The following UBE2L3 variants were observed in gnomAD, a reference collection of about 807,000 sequenced individuals.
The protein encoded by UBE2L3 is ubiquitin conjugating enzyme E2 L3.
Under a neutral mutation model 17.8 loss-of-function variants are expected in UBE2L3, and 1 was observed. The ratio of observed to expected loss-of-function variants is 0.06; its 90% CI spans 0.02 to 0.27. The LOEUF is 0.27. Ranked by LOEUF, UBE2L3 falls within the 10% of genes least tolerant of loss-of-function variation. The pLI is 1.00. For missense variants in UBE2L3, 40 were observed against 192.6 expected, an observed-to-expected ratio of 0.21 and a Z score of 4.69; for synonymous variants, 44 against 68.5, an observed-to-expected ratio of 0.64 and a Z score of 1.76.
chr22:21,563,563 A>C (rs1035029612), upstream of UBE2L3, among the ~76,000 whole-genome samples: 6 of 147,752 alleles, frequency 4.1e-5, no homozygotes, highest in African/African-American at 1.2e-4. Context: ...TCCGTCTCAA[A>C]AAAAAAAAAT....
Position 21,623,364 on chromosome 22 carries a change from C to T in UBE2L3, c.*1695C>T, listed in dbSNP as rs1308444804. On this transcript the variant is annotated 3_prime_UTR_variant, in exon 4 of 4. Transcript: ENST00000342192. Reference sequence around the variant, plus strand: ...AGGTTTCTGGAGACTCCCTTGTGCCCGGGATGGCAAGGGCACCGGGCTGGC... The same window carrying T: ...AGGTTTCTGGAGACTCCCTTGTGCCTGGGATGGCAAGGGCACCGGGCTGGC... The T allele has an allele frequency of 2.0e-5, 3 of 152,690 alleles. No homozygotes were observed. Among genetic ancestry groups the T allele is most frequent in the South Asian group, 2.1e-4 (1 of 4,832 alleles). 9.5% of individuals were successfully genotyped at this position (152,690 alleles called of 1,614,324 possible).
At chr22:21,595,430 C>T (rs768991687) in intron 2 of UBE2L3, among the ~76,000 whole-genome samples, 5 of 152,206 alleles carry the variant, frequency 3.3e-5, no homozygotes, top group Non-Finnish European at 7.3e-5. Flanking sequence ...TATACAAACT[C>T]ACCTGAGGTC....
chr22:21,613,790 G>A (rs890520271), intron 3 of UBE2L3, among the ~76,000 whole-genome samples: 2 of 152,204 alleles, frequency 1.3e-5, no homozygotes, highest in Admixed American at 6.5e-5. Flanking sequence ...AGAGCTGGTA[G>A]GCATAGTGCA....
At chr22:21,589,937 T>A (rs1055218446) in intron 1 of UBE2L3, among the ~76,000 whole-genome samples, 3 of 152,172 alleles carry the variant, frequency 2.0e-5, no homozygotes, top group African/African-American at 7.2e-5. Context: ...TTCTTCTTTC[T>A]GGCCAGGTGT....
chr22:21,599,628 T>C (rs1319652192), intron 2 of UBE2L3, among the ~76,000 whole-genome samples: 1 of 152,098 alleles, frequency 6.6e-6, no homozygotes, highest in Non-Finnish European at 1.5e-5. Flanking sequence ...GAGCAGAAAC[T>C]ATGAAAAAAT....
chr22:21,601,673 C>G (rs746759898), intron 2 of UBE2L3, among the ~76,000 whole-genome samples: 1 of 151,800 alleles, frequency 6.6e-6, no homozygotes, highest in Non-Finnish European at 1.5e-5. Context: ...GCATAGAAAC[C>G]AGCCTGGGGC....
intron 1 of UBE2L3, among the ~76,000 whole-genome samples, chr22:21,577,021 T>A (rs948430376): frequency 2.0e-5 from 3 of 146,914 alleles, no homozygotes; most frequent in Non-Finnish European, 4.5e-5. Flanking sequence ...CAGGCTGGAG[T>A]GCAGTGGTAC....
rs549264242 is a variant in UBE2L3 at position 21,614,855 on chromosome 22, T to G, written c.310+3812T>G. ...GCCCAAATGTCCATCAATTGGTGAG[T>G]GAATAAACAAAATGTGAGCCAGGCG... On this transcript the variant is annotated intron_variant, in intron 3 of 3. Transcript: ENST00000342192. 2.0e-5 allele frequency among the ~76,000 whole-genome samples: 3 copies of G among 151,930 alleles called. No homozygotes were observed. The East Asian group carries it at 5.8e-4, about 29-fold the overall frequency.
chr22:21,584,727 G>A (rs1484303116), intron 1 of UBE2L3, among the ~76,000 whole-genome samples: 3 of 150,988 alleles, frequency 2.0e-5, no homozygotes, highest in South Asian at 2.1e-4. Context: ...TTGGGAGGCC[G>A]AGGCGGGTGG....
chr22:21,556,629 A>ATTTTTTTTTTTTTTT (rs780653296), intron 1 of UBE2L3, among the ~76,000 whole-genome samples: 1 of 130,460 alleles, frequency 7.7e-6, no homozygotes, highest in African/African-American at 3.0e-5. Flanking sequence ...TTTTTTTTGT[A>ATTTTTTTTTTTTTTT]TTTTTTTTTT....
intron 1 of UBE2L3, chr22:21,555,576 G>T (rs1926194734): frequency 1.3e-5 from 2 of 155,900 alleles, no homozygotes; most frequent in Non-Finnish European, 2.8e-5. Flanking sequence ...AGTGAGCCGA[G>T]ATCATGCCAT....
chr22:21,611,169 G>A (rs1929452071), intron 3 of UBE2L3, 126 bp downstream of exon 3: 1 of 1,125,526 alleles, frequency 8.9e-7, no homozygotes, highest in Non-Finnish European at 1.2e-6. Context: ...ATGTAGCTGA[G>A]GTCCTGTCAG....
intron 2 of UBE2L3, among the ~76,000 whole-genome samples, chr22:21,601,825 AGCCGGGCGTGGTG>A (rs1374196932): frequency 2.0e-5 from 3 of 151,854 alleles, no homozygotes; most frequent in Admixed American, 2.0e-4. Context: ...CAAAAAAATT[AGCCGGGCGTGGTG>A]GTGGGCGCCT....
chr22:21,605,965 A>C (rs1319411997), intron 2 of UBE2L3, among the ~76,000 whole-genome samples: 3 of 152,208 alleles, frequency 2.0e-5, no homozygotes, highest in African/African-American at 7.2e-5. Context: ...CACTGCACCC[A>C]GCCAAATCTG....
In UBE2L3 at chr22:21,552,972, C is replaced by T. The variant is rs1474418099; in HGVS notation, c.201+3322C>T. 6.0e-5 allele frequency among the ~76,000 whole-genome samples: 3 copies of T among 50,392 alleles called. 1 individual carries two copies. Among genetic ancestry groups the T allele is most frequent in the South Asian group, 7.4e-4 (2 of 2,688 alleles). The allele number at this position is 50,392 out of a possible 152,430, so 33.1% of individuals were successfully genotyped here. On this transcript the variant is annotated intron_variant, in intron 1 of 3. Transcript: ENST00000458578. ...GATCTCCTGACCCTGTTGATCTGCC[C>T]GCCTCGGCCTCACAAAGTGCTGGGA...
Position 21,570,797 on chromosome 22 carries a change from T to C in UBE2L3, c.27+3026T>C, listed in dbSNP as rs2266960. Among the ~76,000 whole-genome samples, 8 of 152,258 alleles carry C rather than the reference T, an allele frequency of 5.3e-5. No individual in the cohort carries two copies. The East Asian group carries it at 1.5e-3, about 29-fold the overall frequency. ...GTGGTAATAAAGTGATTTTCGTTGG[T>C]GAAAAGTTGGGGCTTAGTGCATGGA... On this transcript the variant is annotated intron_variant, in intron 1 of 3. Transcript: ENST00000342192.
At chr22:21,565,380 C>T (rs1926591237), upstream of UBE2L3, among the ~76,000 whole-genome samples, 1 of 151,752 alleles carries the variant, frequency 6.6e-6, no homozygotes. Flanking sequence ...GTGTGAACCA[C>T]CACACCCGGC....
At chr22:21,587,665 CTATA>C (rs1013538112) in intron 1 of UBE2L3, among the ~76,000 whole-genome samples, 1 of 152,218 alleles carries the variant, frequency 6.6e-6, no homozygotes, top group African/African-American at 2.4e-5. Flanking sequence ...TGAGCACTGG[CTATA>C]TACAGCAGTG....
At chr22:21,578,446 C>T (rs552649529) in intron 1 of UBE2L3, among the ~76,000 whole-genome samples, 105 of 152,104 alleles carry the variant, frequency 6.9e-4, no homozygotes, top group African/African-American at 1.9e-3. Flanking sequence ...AGGCAGTTCC[C>T]GTCGTGCCCA....
Sources: allele counts gnomAD v4.1 joint callset (sites outside exome capture counted in the v4.1 genomes callset), GRCh38; gene constraint gnomAD v4.1.1; transcripts MANE v1.5; gene names NCBI Gene and HGNC (gene_info 2026-07-23, HGNC 2026-07-21).